ZNF487: variants seen among roughly 807,000 people sequenced by gnomAD.
ZNF487 encodes the protein zinc finger protein 487.
ZNF487 carries 4 observed loss-of-function variants against 3.0 expected under a neutral mutation model. The observed-to-expected ratio is 1.35, with a 90% CI of 0.66 to 3.08. ZNF487 has a LOEUF of 3.08. Ranked by LOEUF, ZNF487 falls within the 30% of genes most tolerant of loss-of-function variation. ZNF487 has a pLI of 0.01. For synonymous variants in ZNF487, 55 were observed against 34.6 expected (o/e 1.59, Z -2.06); for missense variants, 146 against 98.7 (o/e 1.48, Z -2.03).
chr10:43,484,709 A>G (rs1841456688), downstream of ZNF487, among the ~76,000 whole-genome samples: 1 of 152,234 alleles, frequency 6.6e-6, no homozygotes, highest in African/African-American at 2.4e-5. Context: ...ATTTAAAAAA[A>G]TCTTGTACTG....
At chr10:43,521,378 C>T in the ZNF487 span, among the ~76,000 whole-genome samples, 103,413 of 152,016 alleles carry the variant, frequency 0.68, 35,545 homozygotes, top group East Asian at 1. Context: ...ACATCACAGC[C>T]TTCTTGCACT....
the ZNF487 span, among the ~76,000 whole-genome samples, chr10:43,517,140 G>C: frequency 6.6e-6 from 1 of 152,242 alleles, no homozygotes; most frequent in Non-Finnish European, 1.5e-5. Flanking sequence ...TGAAAAAGGA[G>C]CACACAAAAA....
intron 1 of ZNF487, among the ~76,000 whole-genome samples, chr10:43,450,567 G>T (rs1839970359): frequency 6.7e-6 from 1 of 150,154 alleles, no homozygotes; most frequent in Admixed American, 6.6e-5. Flanking sequence ...TTGGCCAGGA[G>T]TTCGACTCCT....
chr10:43,468,679 CAA>C (rs71016773), intron 1 of ZNF487, among the ~76,000 whole-genome samples: 3 of 36,036 alleles, frequency 8.3e-5, no homozygotes, highest in South Asian at 1.2e-3. Flanking sequence ...AACTCTGTCT[CAA>C]AAAAAAAAAA....
At chr10:43,484,505 G>T (rs974945303), downstream of ZNF487, among the ~76,000 whole-genome samples, 1 of 152,020 alleles carries the variant, frequency 6.6e-6, no homozygotes, top group African/African-American at 2.4e-5. Flanking sequence ...TACTCGAGAG[G>T]CTGAGGCAGG....
intron 3 of ZNF487, among the ~76,000 whole-genome samples, chr10:43,477,956 GA>G (rs756122013): frequency 8.2e-4 from 93 of 112,824 alleles, no homozygotes; most frequent in East Asian, 1.5e-3. Flanking sequence ...ATCTCGAAAA[GA>G]AAAAAAAAAA....
chr10:43,473,173 T>C (rs1840968001), intron 1 of ZNF487, among the ~76,000 whole-genome samples: 1 of 150,258 alleles, frequency 6.7e-6, no homozygotes, highest in South Asian at 2.2e-4. Flanking sequence ...AGTGGCATGA[T>C]CTCGGCTCAC....
chr10:43,446,253 G>A (rs1172610543), intron 1 of ZNF487, among the ~76,000 whole-genome samples: 6 of 151,930 alleles, frequency 3.9e-5, no homozygotes, highest in South Asian at 2.1e-4. Context: ...AGACGTGGCG[G>A]CCAGGCAGAG....
chr10:43,503,093 C>T, the ZNF487 span, among the ~76,000 whole-genome samples: 2 of 150,106 alleles, frequency 1.3e-5, no homozygotes, highest in African/African-American at 4.9e-5. Flanking sequence ...AGAGGTATTC[C>T]AGAAGGCACT....
intron 1 of ZNF487, among the ~76,000 whole-genome samples, chr10:43,470,877 T>C (rs2132122809): frequency 6.6e-6 from 1 of 152,020 alleles, no homozygotes; most frequent in Non-Finnish European, 1.5e-5. Context: ...TAGAGTACAG[T>C]GGCACGATCA....
chr10:43,463,454 C>G (rs1313255034), intron 1 of ZNF487, among the ~76,000 whole-genome samples: 1 of 151,840 alleles, frequency 6.6e-6, no homozygotes, highest in East Asian at 1.9e-4. Context: ...AGGAAAATTG[C>G]TTGAACCCGG....
chr10:43,469,015 GAAAA>G lies in ZNF487; in HGVS notation c.-93-6704_-93-6701del, dbSNP rs1373431112. 2.6e-4 allele frequency among the ~76,000 whole-genome samples: 25 copies of G among 96,460 alleles called. No individual in the cohort carries two copies. The East Asian group carries it at 7.4e-3, about 29-fold the overall frequency. 63.3% of individuals were successfully genotyped at this position (96,460 alleles called of 152,430 possible). On this transcript the variant is annotated intron_variant, in intron 1 of 3. Transcript: ENST00000437590. The stretch of plus-strand genomic sequence containing the variant: ...AAAAAAAAAAAAAAAAAAAAAAAAA[GAAAA>G]AGAAAGGAAGAGTCAATCAGTGTGG...
chr10:43,467,899 T>C (rs1300029733), intron 1 of ZNF487, among the ~76,000 whole-genome samples: 1 of 151,892 alleles, frequency 6.6e-6, no homozygotes, highest in Non-Finnish European at 1.5e-5. Flanking sequence ...CTGGGCAAAG[T>C]AAATTGAAAA....
intron 1 of ZNF487, among the ~76,000 whole-genome samples, chr10:43,441,936 T>C (rs1220459468): frequency 1.3e-5 from 2 of 152,186 alleles, no homozygotes; most frequent in African/African-American, 2.4e-5. Context: ...TTATAAAATA[T>C]CTTGCTGTGG....
chr10:43,507,941 A>G, the ZNF487 span, among the ~76,000 whole-genome samples: 18 of 152,262 alleles, frequency 1.2e-4, no homozygotes, highest in Non-Finnish European at 8.8e-5. Flanking sequence ...ATAGACAGCA[A>G]TAAAAAAGCC....
the ZNF487 span, among the ~76,000 whole-genome samples, chr10:43,517,090 G>A: frequency 6.6e-6 from 1 of 152,188 alleles, no homozygotes; most frequent in African/African-American, 2.4e-5. Flanking sequence ...CATCTTCTGA[G>A]AAGATACTTT....
intron 1 of ZNF487, among the ~76,000 whole-genome samples, chr10:43,459,767 GTTTATTATTATTATTA>G (rs1045341854): frequency 1.2e-4 from 14 of 120,052 alleles, no homozygotes; most frequent in African/African-American, 3.6e-4. Flanking sequence ...CAGGCTGTGA[GTTTATTATTATTATTA>G]TTATTATTAT....
At chr10:43,465,415 C>A (rs1432450459) in intron 1 of ZNF487, among the ~76,000 whole-genome samples, 1 of 151,600 alleles carries the variant, frequency 6.6e-6, no homozygotes, top group African/African-American at 2.4e-5. Flanking sequence ...GGCGGAGGGG[C>A]TCCTCACTTC....
chr10:43,455,011 CTT>C (rs754096470), intron 1 of ZNF487, among the ~76,000 whole-genome samples: 21 of 128,432 alleles, frequency 1.6e-4, no homozygotes, highest in Admixed American at 1.6e-4. Flanking sequence ...TTAGTTTGCA[CTT>C]TTTTTTTTTT....
Sources: allele counts gnomAD v4.1 joint callset (sites outside exome capture counted in the v4.1 genomes callset), GRCh38; gene constraint gnomAD v4.1.1; transcripts MANE v1.5; gene names NCBI Gene and HGNC (gene_info 2026-07-23, HGNC 2026-07-21).